Variants in LRRIQ3 observed in about 807,000 individuals in gnomAD.
LRRIQ3 encodes leucine rich repeats and IQ motif containing 3, also known as leucine-rich repeat and IQ domain-containing protein 3.
A neutral mutation model predicts 59.3 loss-of-function variants in LRRIQ3; 75 were observed. The observed-to-expected ratio is 1.26, with a 90% CI of 1.05 to 1.53. The LOEUF (loss-of-function observed/expected upper bound fraction) is 1.53, where lower values mean the gene tolerates loss of function less well. Among genes scored for constraint, LRRIQ3 ranks in the 40% most tolerant of loss-of-function variants. LRRIQ3 has a pLI of 0.00. For missense variants in LRRIQ3, 831 were observed against 710.0 expected (o/e 1.17, Z -1.94); for synonymous variants, 250 against 231.3 (o/e 1.08, Z -0.73).
intron 6 of LRRIQ3, among the ~76,000 whole-genome samples, chr1:74,060,203 CTTCTTCTTCTTCTTCTTG>C (rs879276708): frequency 0.38 from 28,599 of 76,072 alleles, 3,562 homozygotes; most frequent in East Asian, 0.51. Flanking sequence ...TCTTCTTCTT[CTTCTTCTTCTTCTTCTTG>C]TTCTTCTTCT....
Position 74,173,339 on chromosome 1 carries a change from A to G in LRRIQ3, c.573+9199T>C, listed in dbSNP as rs888356882. Reference sequence around the variant, plus strand: ...CCATTCACTCCCTCCTTATCTTTTAACTGGTGAGTTTAATCCATTTACACT... The same window carrying G: ...CCATTCACTCCCTCCTTATCTTTTAGCTGGTGAGTTTAATCCATTTACACT... On this transcript the variant is annotated intron_variant, in intron 3 of 7. Coordinates refer to ENST00000354431, the MANE Select transcript of LRRIQ3 (RefSeq NM_001105659.2). Among the ~76,000 whole-genome samples the G allele has an allele frequency of 2.0e-5, 3 of 151,416 alleles. No individual in the cohort carries two copies. The East Asian group carries it at 5.8e-4, about 29-fold the overall frequency.
chr1:74,083,295 GA>G (rs941593433), intron 5 of LRRIQ3: 4 of 151,628 alleles, frequency 2.6e-5, no homozygotes, highest in Non-Finnish European at 3.0e-5. Flanking sequence ...GCTCTGGTCA[GA>G]AATATTTCAG....
At chr1:74,044,825 G>A (rs1024552267) in intron 6 of LRRIQ3, among the ~76,000 whole-genome samples, 18 of 152,030 alleles carry the variant, frequency 1.2e-4, no homozygotes, top group African/African-American at 3.6e-4. Flanking sequence ...CAGAGAATAC[G>A]ATAAACACCT....
chr1:74,095,318 G>C (rs1473343095), intron 5 of LRRIQ3, among the ~76,000 whole-genome samples: 1 of 152,082 alleles, frequency 6.6e-6, no homozygotes, highest in Non-Finnish European at 1.5e-5. Context: ...TGAGAGAACA[G>C]TTGTTTTGTT....
chr1:74,090,862 C>T (rs1402642874), intron 5 of LRRIQ3, among the ~76,000 whole-genome samples: 1 of 151,998 alleles, frequency 6.6e-6, no homozygotes, highest in African/African-American at 2.4e-5. Context: ...TTACTTCACT[C>T]CAGCCTGGGC....
In LRRIQ3 at chr1:74,155,808, G is replaced by A. The variant is rs367574040; in HGVS notation, c.632C>T (p.Ala211Val). ...AACTGGTGAATTATGAGCCAGAATT[G>A]CATTAATTTTTGAAGTAATATGTTT... ...NIKHITSKIN[A>V]ILAHNSPVLI... The change falls in exon 4 of 8, where the codon GCA becomes GTA. Residue 211 changes from alanine to valine, a missense_variant. Coordinates refer to ENST00000354431, the MANE Select transcript of LRRIQ3 (RefSeq NM_001105659.2). The A allele has an allele frequency of 7.4e-5, 118 of 1,584,056 alleles. No individual in the cohort carries two copies. The Middle Eastern group carries it at 8.4e-4, about 11-fold the overall frequency.
Position 74,083,903 on chromosome 1 carries a change from T to C in LRRIQ3, c.868-9113A>G, listed in dbSNP as rs975096614. On this transcript the variant is annotated intron_variant, in intron 5 of 7. Coordinates refer to ENST00000354431, the MANE Select transcript of LRRIQ3 (RefSeq NM_001105659.2). ...AGTCTCTGCAAAGCAATTTTTATGATGGTATGTTTCATTCAATTTAAGAAT... is the reference window on the plus strand; with the variant it reads ...AGTCTCTGCAAAGCAATTTTTATGACGGTATGTTTCATTCAATTTAAGAAT... The C allele has an allele frequency of 4.5e-5, 14 of 312,392 alleles. No individual in the cohort carries two copies. In the Admixed American group the frequency reaches 6.0e-4, roughly 13 times the overall value. The allele number at this position is 312,392 out of a possible 1,614,324, so 19.4% of individuals were successfully genotyped here.
intron 3 of LRRIQ3, among the ~76,000 whole-genome samples, chr1:74,162,677 C>A (rs1648729681): frequency 6.6e-6 from 1 of 151,738 alleles, no homozygotes. Flanking sequence ...ATTCTAAATG[C>A]ATATTGTACT....
Position 74,026,853 on chromosome 1 carries a change from G to C in LRRIQ3, c.1835C>G (p.Thr612Arg). ...ATTGGGAACTTTAAAGTCTAAATTT[G>C]TTTTCACAATTGCTACTTTTGTTTT... ...DAKTKVAIVKTNLDFKVPNGL... is the reference protein window; with the variant it reads ...DAKTKVAIVKRNLDFKVPNGL... The change falls in exon 8 of 8, where the codon ACA becomes AGA. Residue 612 changes from threonine (T) to arginine (R), a missense_variant. Coordinates refer to ENST00000354431, the MANE Select transcript of LRRIQ3 (RefSeq NM_001105659.2). 6.2e-7 allele frequency: 1 copy of C among 1,608,524 alleles called. No individual in the cohort carries two copies. The highest frequency in any genetic ancestry group is 1.3e-5 in the African/African-American group (1 of 74,754).
At chr1:74,138,116 G>A (rs1012713953) in intron 4 of LRRIQ3, among the ~76,000 whole-genome samples, 1 of 146,788 alleles carries the variant, frequency 6.8e-6, no homozygotes, top group Admixed American at 6.8e-5. Context: ...AAGAAGAAAA[G>A]AAATAAATAT....
At chr1:74,031,674 C>A (rs1424209933) in intron 7 of LRRIQ3, among the ~76,000 whole-genome samples, 3 of 151,856 alleles carry the variant, frequency 2.0e-5, no homozygotes, top group Non-Finnish European at 2.9e-5. Context: ...TGAGGAGTTA[C>A]TGGGTGCAGC....
At chr1:74,194,439 C>T (rs1236640447) in intron 1 of LRRIQ3, among the ~76,000 whole-genome samples, 2 of 152,008 alleles carry the variant, frequency 1.3e-5, no homozygotes, top group Non-Finnish European at 2.9e-5. Flanking sequence ...TTTCAAATGA[C>T]ATGAAAAGTC....
chr1:74,160,706 G>C (rs1015139266), intron 3 of LRRIQ3, among the ~76,000 whole-genome samples: 1 of 151,900 alleles, frequency 6.6e-6, no homozygotes, highest in African/African-American at 2.4e-5. Context: ...TCAGTTATGT[G>C]GCTGAGTCTA....
At chr1:74,121,677 C>G (rs1328193908) in intron 4 of LRRIQ3, among the ~76,000 whole-genome samples, 1 of 151,938 alleles carries the variant, frequency 6.6e-6, no homozygotes, top group Non-Finnish European at 1.5e-5. Flanking sequence ...TGGTGTGCTG[C>G]ACCCAGTAAC....
chr1:74,198,102 A>C lies in LRRIQ3; in HGVS notation c.-107T>G. 1 of 1,336,798 alleles carries C rather than the reference A, an allele frequency of 7.5e-7. No individual in the cohort carries two copies. Among genetic ancestry groups the C allele is most frequent in the Non-Finnish European group, 9.9e-7 (1 of 1,010,772 alleles). The allele number at this position is 1,336,798 out of a possible 1,614,324, so 82.8% of individuals were successfully genotyped here. On this transcript the variant is annotated 5_prime_UTR_variant, in exon 1 of 8. Coordinates refer to ENST00000354431, the MANE Select transcript of LRRIQ3 (RefSeq NM_001105659.2). Reference sequence around the variant, plus strand: ...CATCTGCTCCTGAGACCGTTGCTAGAGAAACAAGACAACATCCAAGTTCTC... The same window carrying C: ...CATCTGCTCCTGAGACCGTTGCTAGCGAAACAAGACAACATCCAAGTTCTC...
chr1:74,127,071 C>A (rs180803461), intron 4 of LRRIQ3, among the ~76,000 whole-genome samples: 28 of 151,956 alleles, frequency 1.8e-4, no homozygotes, highest in Admixed American at 1.3e-3. Context: ...GTTATATCCC[C>A]TTGCTGAATT....
At chr1:74,154,240 C>CAAACAAAAAAAAAAAA (rs1648176929) in intron 4 of LRRIQ3, among the ~76,000 whole-genome samples, 4 of 57,280 alleles carry the variant, frequency 7.0e-5, no homozygotes, top group African/African-American at 2.9e-4. Flanking sequence ...GACTCCTTCT[C>CAAACAAAAAAAAAAAA]AAAAAAAAAA....
At chr1:74,177,056 C>A (rs1238999680) in intron 3 of LRRIQ3, among the ~76,000 whole-genome samples, 3 of 152,134 alleles carry the variant, frequency 2.0e-5, no homozygotes, top group Non-Finnish European at 4.4e-5. Context: ...TATGTTGATC[C>A]TTTCCTGTTC....
At chr1:74,034,707 G>A (rs1261485834) in intron 7 of LRRIQ3, among the ~76,000 whole-genome samples, 2 of 151,036 alleles carry the variant, frequency 1.3e-5, no homozygotes, top group Non-Finnish European at 3.0e-5. Flanking sequence ...AATATGGAGG[G>A]GGAAATAAAT....
Sources: allele counts gnomAD v4.1 joint callset (sites outside exome capture counted in the v4.1 genomes callset), GRCh38; gene constraint gnomAD v4.1.1; transcripts MANE v1.5; gene names NCBI Gene and HGNC (gene_info 2026-07-23, HGNC 2026-07-21).